Variants in TGM7 observed in about 807,000 individuals in gnomAD.
TGM7 encodes the protein protein-glutamine gamma-glutamyltransferase Z.
In TGM7, 74 loss-of-function variants were observed where a neutral mutation model predicts 79.5. The ratio of observed to expected loss-of-function variants is 0.93; its 90% confidence interval spans 0.77 to 1.13. TGM7 has a LOEUF of 1.13. TGM7 is among the 50% of genes most tolerant of loss of function. The pLI, the probability that TGM7 is intolerant of heterozygous loss-of-function variation, is 0.00. For synonymous variants in TGM7, 354 were observed against 362.5 expected (o/e 0.98, Z 0.27); for missense variants, 912 against 905.9 (o/e 1.01, Z -0.09).
At chr15:43,301,293 T>C (rs2043024076) in intron 1 of TGM7, among the ~76,000 whole-genome samples, 1 of 151,088 alleles carries the variant, frequency 6.6e-6, no homozygotes, top group African/African-American at 2.4e-5. Flanking sequence ...TGAGACACAG[T>C]GCCTGGCCAT....
intron 1 of TGM7, among the ~76,000 whole-genome samples, chr15:43,296,849 A>G (rs1373996512): frequency 1.3e-5 from 2 of 152,154 alleles, no homozygotes; most frequent in Non-Finnish European, 1.5e-5. Context: ...ATTCCACTCC[A>G]CTGAAGTGCT....
chr15:43,284,608 GT>G (rs1342559044), intron 7 of TGM7, among the ~76,000 whole-genome samples: 1 of 152,254 alleles, frequency 6.6e-6, no homozygotes, highest in Non-Finnish European at 1.5e-5. Flanking sequence ...TTATCCCATT[GT>G]TTTCTACCTC....
rs1431806620 is a variant in TGM7, at chr15:43,289,890, C to T, written c.558+2089G>A. On this transcript the variant is annotated intron_variant, in intron 4 of 12. Coordinates refer to ENST00000452443, the MANE Select transcript of TGM7 (RefSeq NM_052955.3). ...TTGAGAAGTGTCTGTTCATGTCCTT[C>T]GCCCACTTTTTGATGGGGTTGTTTG... Among the ~76,000 whole-genome samples the T allele has an allele frequency of 2.6e-4, 39 of 152,138 alleles. 1 individual carries two copies. Among genetic ancestry groups the T allele is most frequent in the Admixed American group, 1.2e-3 (18 of 15,276 alleles).
In TGM7 at chr15:43,279,688, C is replaced by T; in HGVS notation, c.1615G>A (p.Gly539Arg). The T allele has an allele frequency of 1.2e-6, 2 of 1,613,538 alleles. No homozygotes were observed. Among genetic ancestry groups the T allele is most frequent in the Non-Finnish European group, 1.7e-6 (2 of 1,179,780 alleles). ...CAGAAGGGCTTCTGGGTACCACCCCCATGCAGCAGGGCCTGTGCACAGAAG... is the reference window on the plus strand; with the variant it reads ...CAGAAGGGCTTCTGGGTACCACCCCTATGCAGCAGGGCCTGTGCACAGAAG... Reference protein sequence around the residue: ...VRFCAQALLHGGGTQKPFWRH... With the variant: ...VRFCAQALLHRGGTQKPFWRH... Residue 539 changes from glycine to arginine, a missense_variant, in exon 10 of 13, where the codon GGG becomes AGG. Physicochemically the swap from Gly to Arg is moderately radical, Grantham distance 125. Coordinates refer to ENST00000452443, the MANE Select transcript of TGM7 (RefSeq NM_052955.3).
At chr15:43,281,589 G>T (rs2042909144) in intron 9 of TGM7, among the ~76,000 whole-genome samples, 1 of 152,076 alleles carries the variant, frequency 6.6e-6, no homozygotes, top group African/African-American at 2.4e-5. Flanking sequence ...ACAACATTTG[G>T]GACATATATT....
In TGM7 at chr15:43,289,750, G is replaced by A. The variant is rs1227217742; in HGVS notation, c.559-2081C>T. Among the ~76,000 whole-genome samples the A allele has an allele frequency of 5.9e-5, 9 of 152,050 alleles. No homozygotes were observed. The East Asian group carries it at 1.7e-3, about 29-fold the overall frequency. ...GTTGTTTCCTGACTTTTTAATGATCGCCATTCTAACTGGTGTGAGGTGGTA... is the reference window on the plus strand; with the variant it reads ...GTTGTTTCCTGACTTTTTAATGATCACCATTCTAACTGGTGTGAGGTGGTA... On this transcript the variant is annotated intron_variant, in intron 4 of 12. Transcript: ENST00000452443.
chr15:43,297,960 G>A (rs527510652), intron 1 of TGM7, among the ~76,000 whole-genome samples: 1 of 152,368 alleles, frequency 6.6e-6, no homozygotes, highest in Admixed American at 6.5e-5. Flanking sequence ...TGCCTAGAAA[G>A]GAGCCTGGTG....
chr15:43,284,313 G>C (rs2042924030), intron 7 of TGM7, among the ~76,000 whole-genome samples: 1 of 150,690 alleles, frequency 6.6e-6, no homozygotes, highest in South Asian at 2.1e-4. Flanking sequence ...AAAGAAGCCA[G>C]AGATACACAA....
At chr15:43,281,381 A>C (rs1192601668) in intron 9 of TGM7, among the ~76,000 whole-genome samples, 1 of 152,242 alleles carries the variant, frequency 6.6e-6, no homozygotes, top group Non-Finnish European at 1.5e-5. Context: ...TGCCATGGAC[A>C]TAGGGAGACG....
intron 2 of TGM7, 93 bp downstream of exon 2, chr15:43,293,356 C>T (rs1383299673): frequency 1.4e-6 from 2 of 1,449,232 alleles, no homozygotes; most frequent in Non-Finnish European, 1.9e-6. Context: ...TGGAGGGCAG[C>T]TCAGGTGGGA....
intron 6 of TGM7, among the ~76,000 whole-genome samples, chr15:43,285,357 C>A (rs2042929936): frequency 6.6e-6 from 1 of 152,164 alleles, no homozygotes; most frequent in Non-Finnish European, 1.5e-5. Flanking sequence ...CATGGGGAAA[C>A]CCCGTCTCTA....
chr15:43,293,917 G>T (rs2042979951), intron 1 of TGM7, among the ~76,000 whole-genome samples: 1 of 113,948 alleles, frequency 8.8e-6, no homozygotes, highest in South Asian at 4.0e-4. Context: ...CTGTGCGGGG[G>T]GAGTGGGGTG....
intron 2 of TGM7, 89 bp from the exon 3 acceptor site, chr15:43,293,043 CCCA>C: frequency 6.5e-7 from 1 of 1,528,930 alleles, no homozygotes; most frequent in African/African-American, 1.4e-5. Flanking sequence ...GTCACCTTCT[CCCA>C]CCACCTGCTA....
In TGM7 at chr15:43,293,346, T is replaced by C. The variant is rs780678971; in HGVS notation, c.193+103A>G. The C allele has an allele frequency of 8.3e-4, 1,157 of 1,402,282 alleles. 1 individual carries two copies. The highest frequency in any genetic ancestry group is 1.1e-3 in the Non-Finnish European group (1,100 of 1,041,480). The allele number at this position is 1,402,282 out of a possible 1,614,324, so 86.9% of individuals were successfully genotyped here. ...GTCTGGGGCTCCCAGGACAAGAAAGTGGAGGGCAGCTCAGGTGGGAAAGGC... is the reference window on the plus strand; with the variant it reads ...GTCTGGGGCTCCCAGGACAAGAAAGCGGAGGGCAGCTCAGGTGGGAAAGGC... On this transcript the variant is annotated intron_variant, in intron 2 of 12. Transcript: ENST00000452443.
intron 1 of TGM7, among the ~76,000 whole-genome samples, chr15:43,296,295 G>A (rs2042992019): frequency 6.6e-6 from 1 of 151,920 alleles, no homozygotes; most frequent in Non-Finnish European, 1.5e-5. Flanking sequence ...CGTGGTGGCG[G>A]GCACCTGTAA....
At chr15:43,278,731 G>A (rs2042890347) in intron 11 of TGM7, among the ~76,000 whole-genome samples, 1 of 152,226 alleles carries the variant, frequency 6.6e-6, no homozygotes, top group Non-Finnish European at 1.5e-5. Flanking sequence ...TGGGATTACA[G>A]GCATGAGCCA....
chr15:43,298,196 TC>T (rs771623581), intron 1 of TGM7, among the ~76,000 whole-genome samples: 69 of 152,302 alleles, frequency 4.5e-4, no homozygotes, highest in Non-Finnish European at 9.1e-4. Flanking sequence ...TCTCCTGCCA[TC>T]CTGGTGGGTT....
chr15:43,279,225 C>G lies in TGM7; in HGVS notation c.1731G>C (p.Thr577=). ...CAGACACGCGGATGAGCTTTTCGTC[C>G]GTTAGCTTGTTTCTGTAATTGCTGT... is the stretch of plus-strand genomic sequence containing the variant. ...LPYSNYRNKL[T]DEKLIRVSGI... is the part of the protein sequence containing the mutation. Residue 577 remains threonine, a synonymous_variant, in exon 11 of 13, where the codon ACG becomes ACC. Coordinates refer to ENST00000452443, the MANE Select transcript of TGM7 (RefSeq NM_052955.3). The G allele has an allele frequency of 6.2e-7, 1 of 1,614,132 alleles. No individual in the cohort carries two copies.
chr15:43,285,356 AC>A (rs2042929948), intron 6 of TGM7, among the ~76,000 whole-genome samples: 1 of 151,966 alleles, frequency 6.6e-6, no homozygotes, highest in Non-Finnish European at 1.5e-5. Flanking sequence ...ACATGGGGAA[AC>A]CCCGTCTCTA....
Sources: gnomAD v4.1 joint callset for allele counts (sites outside exome capture counted in the v4.1 genomes callset) on GRCh38, gnomAD v4.1.1 for gene constraint, MANE v1.5 for transcripts, NCBI Gene and HGNC (gene_info 2026-07-23, HGNC 2026-07-21) for gene names.